MSI2: variants seen among roughly 807,000 people sequenced by gnomAD.
The protein encoded by MSI2 is musashi RNA binding protein 2.
In MSI2, 17 loss-of-function variants were observed where a neutral mutation model predicts 45.6. The observed-to-expected ratio is 0.37, with a 90% confidence interval of 0.26 to 0.56. The LOEUF is 0.56. Among genes scored for constraint, MSI2 ranks in the 20% least tolerant of loss-of-function variants. The probability of loss-of-function intolerance (pLI) is 0.77; values close to 1 mark genes in which losing one functional copy is unlikely to be tolerated. For synonymous variants in MSI2, 156 were observed against 158.2 expected, an observed-to-expected ratio of 0.99 and a Z score of 0.11; for missense variants, 293 against 444.2, an observed-to-expected ratio of 0.66 and a Z score of 3.06.
At chr17:57,310,505 T>C (rs1264655866) in intron 5 of MSI2, among the ~76,000 whole-genome samples, 2 of 152,124 alleles carry the variant, frequency 1.3e-5, no homozygotes, top group Non-Finnish European at 2.9e-5. Context: ...AGCTAATTTT[T>C]GTATTTTTAG....
At chr17:57,424,236 T>A (rs16958351) in intron 6 of MSI2, among the ~76,000 whole-genome samples, 5,413 of 152,270 alleles carry the variant, frequency 0.036, 113 homozygotes, top group Middle Eastern at 0.085. Context: ...TGAATCAGGA[T>A]GAGAAAAATG....
Position 57,467,761 on chromosome 17 carries a change from C to T in MSI2, c.406-61915C>T, listed in dbSNP as rs141105371. Among the ~76,000 whole-genome samples the T allele has an allele frequency of 1.2e-3, 179 of 152,190 alleles. 1 individual carries two copies. The Middle Eastern group carries it at 0.02, about 17-fold the overall frequency. ...CCCGACAGTCTTCCGTGAACATTTA[C>T]GGATGTCTGTACTGACTGACCCTCC... On this transcript the variant is annotated intron_variant, in intron 6 of 13. Transcript: ENST00000284073.
At chr17:57,517,219 A>G (rs1429967686) in intron 6 of MSI2, among the ~76,000 whole-genome samples, 1 of 152,156 alleles carries the variant, frequency 6.6e-6, no homozygotes, top group Non-Finnish European at 1.5e-5. Context: ...GACTCTAGGG[A>G]TGACTTTAGG....
intron 6 of MSI2, among the ~76,000 whole-genome samples, chr17:57,516,456 G>A (rs181930665): frequency 3.5e-4 from 53 of 152,162 alleles, no homozygotes; most frequent in Middle Eastern, 6.8e-3. Context: ...ATTTGCATGC[G>A]ACCCATTGCA....
At chr17:57,598,532 C>T (rs2144467957) in intron 8 of MSI2, among the ~76,000 whole-genome samples, 2 of 152,304 alleles carry the variant, frequency 1.3e-5, no homozygotes, top group Middle Eastern at 6.8e-3. Flanking sequence ...GGCATCAACT[C>T]AGACATTAAA....
chr17:57,584,907 C>T (rs2088304896), intron 7 of MSI2, among the ~76,000 whole-genome samples: 1 of 151,836 alleles, frequency 6.6e-6, no homozygotes, highest in Non-Finnish European at 1.5e-5. Flanking sequence ...CTGCAACCTT[C>T]GCCTCCCAGG....
chr17:57,257,438 C>A (rs771928544), intron 2 of MSI2, 28 bp from the exon 3 acceptor site: 5 of 1,207,080 alleles, frequency 4.1e-6, no homozygotes, highest in Admixed American at 1.9e-5. Context: ...TCTCTCCCCC[C>A]CCCATCTCTC....
intron 6 of MSI2, among the ~76,000 whole-genome samples, chr17:57,421,152 T>G (rs1226420867): frequency 6.6e-6 from 1 of 152,208 alleles, no homozygotes; most frequent in Non-Finnish European, 1.5e-5. Context: ...CTTTACTTTT[T>G]ATGATGTCGG....
chr17:57,493,619 A>G (rs562870464), intron 6 of MSI2, among the ~76,000 whole-genome samples: 4 of 150,294 alleles, frequency 2.7e-5, no homozygotes, highest in Non-Finnish European at 5.9e-5. Flanking sequence ...AGATGAAGGC[A>G]TTCTAGATTG....
Position 57,290,726 on chromosome 17 carries a change from A to G in MSI2, c.312+28534A>G, listed in dbSNP as rs573502872. On this transcript the variant is annotated intron_variant, in intron 5 of 13. Transcript: ENST00000284073. ...GTGAACCCATTCCTGGGCATGCTGA[A>G]ATCGGTGTCTCAGTCTTGGGGCCCA... is the stretch of plus-strand genomic sequence containing the variant. 1.3e-5 allele frequency among the ~76,000 whole-genome samples: 2 copies of G among 152,260 alleles called. 1 individual carries two copies. Among genetic ancestry groups the G allele is most frequent in the African/African-American group, 4.8e-5 (2 of 41,542 alleles).
rs1911211137 is a variant in MSI2, at chr17:57,652,230, G to C, written c.790+69G>C. On this transcript the variant is annotated intron_variant, in intron 11 of 13. Coordinates refer to ENST00000284073, the MANE Select transcript of MSI2 (RefSeq NM_138962.4). This position sits in a 1 kb window ranked among gnomAD's most constrained non-coding sequence, Gnocchi z 4.1. ...GTGTGCAGGGGGAGGTCAAGGCCCT[G>C]TCGGATCTGTGTGGCTGCATCTGTC... 6.9e-7 allele frequency: 1 copy of C among 1,445,286 alleles called. No homozygotes were observed. The highest frequency in any genetic ancestry group is 1.1e-5 in the South Asian group (1 of 87,278). 89.5% of individuals were successfully genotyped at this position (1,445,286 alleles called of 1,614,324 possible).
intron 7 of MSI2, among the ~76,000 whole-genome samples, chr17:57,577,729 G>A (rs762377660): frequency 6.6e-6 from 1 of 152,164 alleles, no homozygotes; most frequent in East Asian, 1.9e-4. Flanking sequence ...ATGAAAAAAG[G>A]TTATAACTTA....
chr17:57,616,001 T>C lies in MSI2; in HGVS notation c.569T>C (p.Val190Ala). The C allele has an allele frequency of 1.2e-6, 2 of 1,614,156 alleles. No individual in the cohort carries two copies. Among genetic ancestry groups the C allele is most frequent in the Non-Finnish European group, 1.7e-6 (2 of 1,180,004 alleles). ...VECKKAQPKE[V>A]MFPPGTRGRA... ...TGTAAGAAAGCTCAGCCGAAAGAAG[T>C]CATGTTCCCACCTGGGACAAGAGGC... is the stretch of plus-strand genomic sequence containing the variant. The change falls in exon 9 of 14, where the codon GTC becomes GCC. Residue 190 changes from valine (V) to alanine (A), a missense_variant. Physicochemically the swap from Val to Ala is moderately conservative, Grantham distance 64. Transcript: ENST00000284073.
chr17:57,479,496 T>C (rs1598315866), intron 6 of MSI2, among the ~76,000 whole-genome samples: 1 of 152,222 alleles, frequency 6.6e-6, no homozygotes, highest in African/African-American at 2.4e-5. Flanking sequence ...ACATCCCAGA[T>C]ACTCCATTTT....
At chr17:57,276,870 C>T (rs1458072976) in intron 5 of MSI2, among the ~76,000 whole-genome samples, 1 of 151,976 alleles carries the variant, frequency 6.6e-6, no homozygotes, top group Admixed American at 6.6e-5. Context: ...CCCAAGTTTT[C>T]CCAGGGCTGA....
intron 6 of MSI2, among the ~76,000 whole-genome samples, chr17:57,528,466 A>G (rs879232179): frequency 6.6e-6 from 1 of 152,204 alleles, no homozygotes; most frequent in Admixed American, 6.5e-5. Context: ...CGCCTTTGCT[A>G]TTTTATTATG....
At chr17:57,614,651 A>G (rs1907503553) in intron 8 of MSI2, among the ~76,000 whole-genome samples, 1 of 152,226 alleles carries the variant, frequency 6.6e-6, no homozygotes, top group African/African-American at 2.4e-5. Flanking sequence ...CTTACCCTGC[A>G]ACATCCCATC....
chr17:57,306,112 T>C (rs915143045), intron 5 of MSI2, among the ~76,000 whole-genome samples: 9 of 152,092 alleles, frequency 5.9e-5, no homozygotes, highest in African/African-American at 2.2e-4. Context: ...GCCTGGCCTT[T>C]GCTTGCTCTG....
chr17:57,328,562 G>A (rs1022778987), intron 5 of MSI2, among the ~76,000 whole-genome samples: 1 of 152,146 alleles, frequency 6.6e-6, no homozygotes, highest in Admixed American at 6.5e-5. Flanking sequence ...TGTTTTGTAA[G>A]TTGCTCCCAG....
Sources: allele counts gnomAD v4.1 joint callset (sites outside exome capture counted in the v4.1 genomes callset), GRCh38; gene constraint gnomAD v4.1.1; non-coding constraint Gnocchi (gnomAD v3.1); transcripts MANE v1.5; gene names NCBI Gene and HGNC (gene_info 2026-07-23, HGNC 2026-07-21).